NRXN3: variants seen among roughly 807,000 people sequenced by gnomAD.
NRXN3 encodes the protein neurexin III.
A neutral mutation model predicts 137.6 loss-of-function variants in NRXN3; 32 were observed. The ratio of observed to expected loss-of-function variants is 0.23; its 90% confidence interval spans 0.18 to 0.31. The LOEUF (loss-of-function observed/expected upper bound fraction) is 0.31. Among genes scored for constraint, NRXN3 ranks in the 10% least tolerant of loss-of-function variants. The pLI is 1.00. For synonymous variants in NRXN3, 798 were observed against 784.5 expected (o/e 1.02, Z -0.29); for missense variants, 1,574 against 2,062.5 (o/e 0.76, Z 4.59).
chr14:78,263,890 TG>T (rs2071227865), intron 2 of NRXN3, among the ~76,000 whole-genome samples: 1 of 145,264 alleles, frequency 6.9e-6, no homozygotes, highest in Non-Finnish European at 1.5e-5. Flanking sequence ...TGTGTGTGTG[TG>T]TGTGTGTGTG....
intron 4 of NRXN3, among the ~76,000 whole-genome samples, chr14:78,299,531 A>T (rs2076675587): frequency 6.6e-6 from 1 of 151,548 alleles, no homozygotes; most frequent in African/African-American, 2.4e-5. Context: ...TTATGATCCC[A>T]CGTGCCCCTT....
At chr14:79,762,294 A>G (rs1360247092) in intron 19 of NRXN3, among the ~76,000 whole-genome samples, 1 of 151,686 alleles carries the variant, frequency 6.6e-6, no homozygotes, top group Admixed American at 6.6e-5. Flanking sequence ...TGATTGAATT[A>G]GTTTTGCACA....
intron 15 of NRXN3, among the ~76,000 whole-genome samples, chr14:78,990,327 A>G (rs1409868319): frequency 1.3e-5 from 2 of 150,716 alleles, no homozygotes; most frequent in Non-Finnish European, 2.9e-5. Flanking sequence ...TTGGATAGAT[A>G]CATAGATACA....
chr14:79,692,109 G>A (rs978269828), intron 17 of NRXN3, 64 bp from the exon 18 acceptor site: 2 of 1,243,384 alleles, frequency 1.6e-6, no homozygotes, highest in African/African-American at 1.5e-5. Context: ...AAAAACCTAG[G>A]ATGTTTTTTA....
intron 2 of NRXN3, among the ~76,000 whole-genome samples, chr14:78,273,865 C>T (rs976401211): frequency 4.6e-5 from 7 of 152,106 alleles, no homozygotes; most frequent in Non-Finnish European, 7.4e-5. Flanking sequence ...TTTTCCAGAG[C>T]GCCACTGCAT....
intron 16 of NRXN3, among the ~76,000 whole-genome samples, chr14:79,629,354 C>T (rs1603262368): frequency 6.6e-6 from 1 of 152,192 alleles, no homozygotes; most frequent in Non-Finnish European, 1.5e-5. Context: ...TTACAATGCT[C>T]ATCTTCCCTT....
chr14:79,816,390 T>C (rs865835729), intron 20 of NRXN3, among the ~76,000 whole-genome samples: 6 of 152,182 alleles, frequency 3.9e-5, no homozygotes, highest in Non-Finnish European at 7.3e-5. Flanking sequence ...CTGTCTTAGA[T>C]AAAATGGAGT....
At position 78,451,037 on chromosome 14, in the gene NRXN3, G is replaced by A. The variant is rs923951157; in HGVS notation, c.757+153177G>A. On this transcript the variant is annotated intron_variant, in intron 4 of 20. Coordinates refer to ENST00000335750, the MANE Select transcript of NRXN3 (RefSeq NM_001330195.2). ...GAATAAGGAATGAGGGCAGAGATGG[G>A]GAAGGATGGGGTTGTGCTTGTGGTT... 3.9e-5 allele frequency among the ~76,000 whole-genome samples: 6 copies of A among 152,230 alleles called. No homozygotes were observed. In the South Asian group the frequency reaches 1.2e-3, roughly 32 times the overall value.
chr14:78,870,792 A>G (rs971609873), intron 10 of NRXN3, among the ~76,000 whole-genome samples: 1 of 151,698 alleles, frequency 6.6e-6, no homozygotes, highest in African/African-American at 2.4e-5. Context: ...CAATATTTGT[A>G]TTTCTGTGCC....
chr14:79,279,385 A>T (rs963290826), intron 15 of NRXN3: 1 of 985,966 alleles, frequency 1.0e-6, no homozygotes, highest in African/African-American at 1.7e-5. Context: ...TCCTCGCTTC[A>T]CTTCACCTGT....
At chr14:78,448,548 T>C (rs1383590880) in intron 4 of NRXN3, among the ~76,000 whole-genome samples, 1 of 152,134 alleles carries the variant, frequency 6.6e-6, no homozygotes, top group African/African-American at 2.4e-5. Flanking sequence ...GTCTTGGAGG[T>C]GCTGTGAAAC....
intron 8 of NRXN3, among the ~76,000 whole-genome samples, chr14:78,726,691 G>T (rs2098485410): frequency 6.6e-6 from 1 of 151,418 alleles, no homozygotes; most frequent in Admixed American, 6.6e-5. Context: ...GCTAATTTTT[G>T]TATTTTTTGT....
intron 14 of NRXN3, among the ~76,000 whole-genome samples, chr14:78,978,298 G>A (rs1222637620): frequency 6.6e-6 from 1 of 152,040 alleles, no homozygotes; most frequent in Non-Finnish European, 1.5e-5. Flanking sequence ...CCACCCTTAG[G>A]TCTCTCTGAC....
In NRXN3 at chr14:78,391,065, G is replaced by C. The variant is rs554997818; in HGVS notation, c.757+93205G>C. On this transcript the variant is annotated intron_variant, in intron 4 of 20. Coordinates refer to ENST00000335750, the MANE Select transcript of NRXN3 (RefSeq NM_001330195.2). The stretch of plus-strand genomic sequence containing the variant: ...TTCTGTTTTTGCACTAGTTTGCCAA[G>C]GATAATGACTTCCAGCTTTATCCAT... Among the ~76,000 whole-genome samples, 36 of 152,250 alleles carry C rather than the reference G, an allele frequency of 2.4e-4. 1 individual carries two copies. The highest frequency in any genetic ancestry group is 8.7e-4 in the African/African-American group (36 of 41,560).
chr14:79,839,185 A>C (rs1186545214), intron 20 of NRXN3, among the ~76,000 whole-genome samples: 1 of 151,820 alleles, frequency 6.6e-6, no homozygotes, highest in Non-Finnish European at 1.5e-5. Context: ...GGTTGCTATG[A>C]ATCTCCTGTT....
chr14:79,100,302 A>G (rs1304247451), intron 15 of NRXN3, among the ~76,000 whole-genome samples: 1 of 152,244 alleles, frequency 6.6e-6, no homozygotes, highest in East Asian at 1.9e-4. Flanking sequence ...TTTTCAAAAA[A>G]TGGAGTTACT....
intron 4 of NRXN3, among the ~76,000 whole-genome samples, chr14:78,637,215 A>G (rs1440651608): frequency 6.6e-6 from 1 of 152,138 alleles, no homozygotes; most frequent in African/African-American, 2.4e-5. Context: ...GCCACCTTGC[A>G]CTTTTCACCT....
intron 2 of NRXN3, among the ~76,000 whole-genome samples, chr14:78,267,416 G>C (rs1382306860): frequency 6.6e-6 from 1 of 152,136 alleles, no homozygotes; most frequent in African/African-American, 2.4e-5. Context: ...CCTCAGCTAG[G>C]TACAGTGTCT....
At position 79,862,031 on chromosome 14, in the gene NRXN3, C is replaced by A; in HGVS notation, c.*67C>A. 1 of 1,285,402 alleles carries A rather than the reference C, an allele frequency of 7.8e-7. No homozygotes were observed. Among genetic ancestry groups the A allele is most frequent in the Non-Finnish European group, 1.1e-6 (1 of 927,778 alleles). 79.6% of individuals were successfully genotyped at this position (1,285,402 alleles called of 1,614,324 possible). A position where few individuals can be genotyped will look rare whatever the true frequency, so the allele number is the denominator to read the frequency against. On this transcript the variant is annotated 3_prime_UTR_variant, in exon 21 of 21. Coordinates refer to ENST00000335750, the MANE Select transcript of NRXN3 (RefSeq NM_001330195.2). ...CTATCCACGCCTATGAATCTTTGGA[C>A]GGTGAGATCTCACAGATGTCAGAAC...
Sources: gnomAD v4.1 joint callset for allele counts (sites outside exome capture counted in the v4.1 genomes callset) on GRCh38, gnomAD v4.1.1 for gene constraint, MANE v1.5 for transcripts, NCBI Gene and HGNC (gene_info 2026-07-23, HGNC 2026-07-21) for gene names.